The following TSC22D1 variants were observed in gnomAD, a reference collection of about 807,000 sequenced individuals.
TSC22D1 encodes the protein TSC22 domain family protein 1.
TSC22D1 carries 9 observed loss-of-function variants against 74.2 expected under a neutral mutation model. The ratio of observed to expected loss-of-function variants is 0.12; its 90% CI spans 0.07 to 0.21. TSC22D1 has a LOEUF of 0.21. Ranked by LOEUF, TSC22D1 falls within the 10% of genes least tolerant of loss-of-function variation. The pLI is 1.00. For missense variants in TSC22D1, 1,427 were observed against 1,304.7 expected (o/e 1.09, Z -1.44); for synonymous variants, 586 against 492.5 (o/e 1.19, Z -2.51).
chr13:44,538,519 T>C (rs1881283545), intron 1 of TSC22D1: 1 of 985,410 alleles, frequency 1.0e-6, no homozygotes, highest in South Asian at 4.7e-5. Flanking sequence ...ACAAATGTTT[T>C]AAATGAAACA....
At position 44,448,970 on chromosome 13, in the gene TSC22D1, T is replaced by C. The variant is rs188657788; in HGVS notation, c.2913-12875A>G. ...ACCATAAAGTGAAATGCCCTTCTGCTGATCTCAACGGAGCCACAGTATTCA... is the reference window on the plus strand; with the variant it reads ...ACCATAAAGTGAAATGCCCTTCTGCCGATCTCAACGGAGCCACAGTATTCA... On this transcript the variant is annotated intron_variant, in intron 1 of 2. Coordinates refer to ENST00000458659, the MANE Select transcript of TSC22D1 (RefSeq NM_183422.4). 2.7e-3 allele frequency among the ~76,000 whole-genome samples: 411 copies of C among 152,286 alleles called. 2 individuals carry two copies. The highest frequency in any genetic ancestry group is 9.4e-3 in the African/African-American group (391 of 41,560).
intron 1 of TSC22D1, among the ~76,000 whole-genome samples, chr13:44,496,796 G>A (rs973457392): frequency 6.6e-6 from 1 of 151,948 alleles, no homozygotes; most frequent in African/African-American, 2.4e-5. Flanking sequence ...GCCCAGGAGT[G>A]TGAGGCTACT....
rs1444636986 is a variant in TSC22D1, at chr13:44,434,096, CTAT to C, written c.*527_*529del. 1.7e-5 allele frequency: 25 copies of C among 1,506,320 alleles called. No individual in the cohort carries two copies. In the South Asian group the frequency reaches 1.8e-4, roughly 11 times the overall value. 93.3% of individuals were successfully genotyped at this position (1,506,320 alleles called of 1,614,324 possible). A position where few individuals can be genotyped will look rare whatever the true frequency, so the allele number is the denominator to read the frequency against. ...TGTTTGAGAAGAAAGAGGCACAGTA[CTAT>C]TGTTTTTTATGAATTTTGGTGACAG... On this transcript the variant is annotated 3_prime_UTR_variant, in exon 3 of 3. Transcript: ENST00000458659.
At chr13:44,491,369 T>C (rs868778507) in intron 1 of TSC22D1, among the ~76,000 whole-genome samples, 16 of 152,098 alleles carry the variant, frequency 1.1e-4, no homozygotes, top group Middle Eastern at 6.8e-3. Context: ...CTGGCTAACA[T>C]GGTGAAACCC....
At chr13:44,439,621 A>G (rs1566112101) in intron 1 of TSC22D1, among the ~76,000 whole-genome samples, 1 of 152,244 alleles carries the variant, frequency 6.6e-6, no homozygotes, top group Non-Finnish European at 1.5e-5. Flanking sequence ...AAAGCCATGG[A>G]CCATATAAGT....
chr13:44,574,762 G>A lies in TSC22D1; in HGVS notation c.1313C>T (p.Ala438Val), dbSNP rs563214227. 1.2e-6 allele frequency: 2 copies of A among 1,614,052 alleles called. No individual in the cohort carries two copies. The highest frequency in any genetic ancestry group is 1.7e-4 in the Middle Eastern group (1 of 6,060). The change falls in exon 1 of 3, where the codon GCT becomes GTT. Residue 438 changes from alanine (A) to valine (V), a missense_variant. By Grantham distance (64) the Ala-to-Val change is moderately conservative. Around this residue, in one of 3 missense-constraint regions of TSC22D1, gnomAD observed 1,343 missense variants for 1,191.5 expected, o/e 1.13. Coordinates refer to ENST00000458659, the MANE Select transcript of TSC22D1 (RefSeq NM_183422.4). ...EFYEKENAVP[A>V]TEGVLINKVV... ...TTTATTTATCAGCACACCTTCTGTA[G>A]CAGGTACAGCATTTTCTTTTTCATA...
At position 44,575,409 on chromosome 13, in the gene TSC22D1, G is replaced by A; in HGVS notation, c.666C>T (p.His222=). The stretch of plus-strand genomic sequence containing the variant: ...GGTGCCCATGATGAATCTGATGGTG[G>A]TGATGGAGGTGGTGTGGATGAGCAT... The part of the protein sequence containing the change: ...NGNAHPHHLH[H]HHQIHHGHHL... The change falls in exon 1 of 3, where the codon CAC becomes CAT. Residue 222 remains histidine (H), a synonymous_variant. Transcript: ENST00000458659. 1 of 1,613,856 alleles carries A rather than the reference G, an allele frequency of 6.2e-7. No individual in the cohort carries two copies. The highest frequency in any genetic ancestry group is 8.5e-7 in the Non-Finnish European group (1 of 1,179,900).
chr13:44,528,489 C>G (rs544512527), intron 1 of TSC22D1, among the ~76,000 whole-genome samples: 1 of 151,784 alleles, frequency 6.6e-6, no homozygotes, highest in Admixed American at 6.6e-5. Context: ...TTGTTTCAAA[C>G]TAAATGAAAA....
intron 1 of TSC22D1, chr13:44,537,872 A>G (rs1881243806): frequency 5.1e-6 from 5 of 985,184 alleles, no homozygotes; most frequent in Non-Finnish European, 4.8e-6. Context: ...TTCCTAAAAC[A>G]TTTTAGCTGC....
intron 1 of TSC22D1, among the ~76,000 whole-genome samples, chr13:44,553,418 G>C (rs1882420799): frequency 2.0e-5 from 3 of 151,656 alleles, no homozygotes; most frequent in Admixed American, 6.6e-5. Context: ...TCAAAATCCA[G>C]TTCAATGAAT....
chr13:44,499,971 C>T (rs888685374), intron 1 of TSC22D1, among the ~76,000 whole-genome samples: 1 of 151,828 alleles, frequency 6.6e-6, no homozygotes, highest in African/African-American at 2.4e-5. Flanking sequence ...CTTGTAATCC[C>T]AGCTACTTGG....
chr13:44,576,263 G>A lies in TSC22D1; in HGVS notation c.-189C>T. On this transcript the variant is annotated 5_prime_UTR_variant, in exon 1 of 3. Coordinates refer to ENST00000458659, the MANE Select transcript of TSC22D1 (RefSeq NM_183422.4). ...GAGAGCGAGCTTCGGAAAGGAGGATGAACGAGGGTGAACAGGGCGGCCGGG... is the reference window on the plus strand; with the variant it reads ...GAGAGCGAGCTTCGGAAAGGAGGATAAACGAGGGTGAACAGGGCGGCCGGG... The A allele has an allele frequency of 1.2e-6, 1 of 806,664 alleles. No homozygotes were observed. Among genetic ancestry groups the A allele is most frequent in the East Asian group, 2.8e-5 (1 of 36,186 alleles). The allele number at this position is 806,664 out of a possible 1,614,324, so 50.0% of individuals were successfully genotyped here. A position where few individuals can be genotyped will look rare whatever the true frequency, so the allele number is the denominator to read the frequency against.
Position 44,434,650 on chromosome 13 carries a change from C to T in TSC22D1, c.3198G>A (p.Ser1066=), listed in dbSNP as rs1245478758. The part of the protein sequence containing the change: ...GTTQPPAQPA[S]QGSGPTA ...GCTATGCGGTTGGTCCTGAGCCCTGCGATGCTGGCTGGGCGGGGGGCTGTG... is the reference window on the plus strand; with the variant it reads ...GCTATGCGGTTGGTCCTGAGCCCTGTGATGCTGGCTGGGCGGGGGGCTGTG... The change falls in exon 3 of 3, where the codon TCG becomes TCA. Residue 1066 remains serine, a synonymous_variant. Transcript: ENST00000458659. 2.5e-6 allele frequency: 4 copies of T among 1,581,962 alleles called. No homozygotes were observed. The highest frequency in any genetic ancestry group is 2.2e-5 in the East Asian group (1 of 44,650).
chr13:44,561,329 A>T (rs1048074318), intron 1 of TSC22D1, among the ~76,000 whole-genome samples: 1 of 152,186 alleles, frequency 6.6e-6, no homozygotes, highest in Non-Finnish European at 1.5e-5. Context: ...TAAGGAAGGA[A>T]GCAACTAGAC....
chr13:44,524,543 AT>A (rs1053741637), intron 1 of TSC22D1, among the ~76,000 whole-genome samples: 2 of 151,906 alleles, frequency 1.3e-5, no homozygotes, highest in South Asian at 2.1e-4. Flanking sequence ...CACTTCCATG[AT>A]TTTTTTTGTT....
At chr13:44,445,739 A>G (rs905013911) in intron 1 of TSC22D1, among the ~76,000 whole-genome samples, 1 of 152,218 alleles carries the variant, frequency 6.6e-6, no homozygotes, top group African/African-American at 2.4e-5. Flanking sequence ...TTTATCAAAG[A>G]TATATGGATG....
chr13:44,451,767 C>G (rs939410617), intron 1 of TSC22D1, among the ~76,000 whole-genome samples: 4 of 152,240 alleles, frequency 2.6e-5, no homozygotes, highest in Non-Finnish European at 4.4e-5. Flanking sequence ...GAGGCCATAT[C>G]ATGTCAGGGG....
At chr13:44,558,432 G>A (rs1175703705) in intron 1 of TSC22D1, among the ~76,000 whole-genome samples, 1 of 152,074 alleles carries the variant, frequency 6.6e-6, no homozygotes, top group African/African-American at 2.4e-5. Flanking sequence ...CTAAACAGTT[G>A]CCAATTTAAA....
intron 1 of TSC22D1, among the ~76,000 whole-genome samples, chr13:44,517,994 C>G (rs1326831463): frequency 6.9e-6 from 1 of 145,922 alleles, no homozygotes; most frequent in African/African-American, 2.5e-5. Flanking sequence ...GTAGCTGGGG[C>G]TATAGACGTG....
Sources: allele counts gnomAD v4.1 joint callset (sites outside exome capture counted in the v4.1 genomes callset), GRCh38; gene constraint gnomAD v4.1.1; regional missense constraint gnomAD v4.1.1; transcripts MANE v1.5; gene names NCBI Gene and HGNC (gene_info 2026-07-23, HGNC 2026-07-21).